EXOC4: variants seen among roughly 807,000 people sequenced by gnomAD.
EXOC4 encodes the protein SEC8-like 1.
In EXOC4, 71 loss-of-function variants were observed where a neutral mutation model predicts 107.2. That is an observed-to-expected ratio of 0.66 (90% CI 0.55 to 0.81). The LOEUF (loss-of-function observed/expected upper bound fraction) is 0.81. EXOC4 is among the 30% of genes least tolerant of loss of function. The pLI is 0.00. For synonymous variants in EXOC4, 456 were observed against 441.2 expected (o/e 1.03, Z -0.42); for missense variants, 1,108 against 1,189.6 (o/e 0.93, Z 1.01).
chr7:133,601,339 G>A (rs1264386214), intron 9 of EXOC4, among the ~76,000 whole-genome samples: 2 of 151,942 alleles, frequency 1.3e-5, no homozygotes, highest in African/African-American at 4.8e-5. Context: ...AGGCCTGTAT[G>A]TATGTATGTA....
chr7:134,080,895 A>G, the EXOC4 span, among the ~76,000 whole-genome samples: 1 of 152,098 alleles, frequency 6.6e-6, no homozygotes, highest in Non-Finnish European at 1.5e-5. Flanking sequence ...GAATTGAGCT[A>G]TGATCGTGCT....
At chr7:133,367,444 G>C (rs1796272468) in intron 6 of EXOC4, among the ~76,000 whole-genome samples, 1 of 152,138 alleles carries the variant, frequency 6.6e-6, no homozygotes. Context: ...GGGTTTCTTG[G>C]ATGGAGCAAA....
intron 17 of EXOC4, among the ~76,000 whole-genome samples, chr7:134,049,884 C>G (rs191779423): frequency 6.6e-6 from 1 of 152,148 alleles, no homozygotes. Context: ...AGTCATAAGA[C>G]ACAGTCTTTG....
intron 13 of EXOC4, among the ~76,000 whole-genome samples, chr7:133,928,805 C>A (rs1800108399): frequency 6.6e-6 from 1 of 151,970 alleles, no homozygotes; most frequent in Non-Finnish European, 1.5e-5. Flanking sequence ...CCTCACCCAT[C>A]CATCAAGCAA....
chr7:134,083,359 G>C, the EXOC4 span, among the ~76,000 whole-genome samples: 1 of 152,160 alleles, frequency 6.6e-6, no homozygotes, highest in Non-Finnish European at 1.5e-5. Context: ...CTCACAGAAG[G>C]GCAACTGGCT....
chr7:134,078,573 T>C, the EXOC4 span, among the ~76,000 whole-genome samples: 4 of 152,214 alleles, frequency 2.6e-5, no homozygotes, highest in Admixed American at 6.5e-5. Flanking sequence ...ATGAAAAAGA[T>C]TGGGGAAAAG....
chr7:133,327,706 A>T (rs904274000), intron 5 of EXOC4, among the ~76,000 whole-genome samples: 1 of 152,144 alleles, frequency 6.6e-6, no homozygotes, highest in African/African-American at 2.4e-5. Context: ...CCCAGTAGTT[A>T]TTCAGGAGCA....
chr7:133,926,769 T>C (rs1014334744), intron 13 of EXOC4, among the ~76,000 whole-genome samples: 6 of 152,178 alleles, frequency 3.9e-5, no homozygotes, highest in African/African-American at 1.4e-4. Context: ...AAAGGACATT[T>C]TGTAGCTATT....
At chr7:133,512,959 G>T (rs1752105426) in intron 9 of EXOC4, among the ~76,000 whole-genome samples, 1 of 152,052 alleles carries the variant, frequency 6.6e-6, no homozygotes, top group South Asian at 2.1e-4. Context: ...ACAAAAACTA[G>T]CCGGGCCTGG....
chr7:133,829,098 A>G (rs1797757743), intron 11 of EXOC4, among the ~76,000 whole-genome samples: 1 of 152,216 alleles, frequency 6.6e-6, no homozygotes, highest in African/African-American at 2.4e-5. Context: ...AGAGGAGAAA[A>G]GTGACCTGAA....
chr7:133,752,981 G>C (rs955629391), intron 10 of EXOC4, among the ~76,000 whole-genome samples: 5 of 152,184 alleles, frequency 3.3e-5, no homozygotes, highest in African/African-American at 1.2e-4. Flanking sequence ...ATCCTGCTTA[G>C]GCAAAGCTGG....
intron 11 of EXOC4, among the ~76,000 whole-genome samples, chr7:133,850,710 G>A (rs924023118): frequency 1.3e-5 from 2 of 151,340 alleles, no homozygotes; most frequent in Non-Finnish European, 2.9e-5. Flanking sequence ...GGCCTCTGCT[G>A]AATACAGACC....
chr7:133,521,003 GA>G (rs1799968226), intron 9 of EXOC4, among the ~76,000 whole-genome samples: 1 of 152,146 alleles, frequency 6.6e-6, no homozygotes, highest in Non-Finnish European at 1.5e-5. Context: ...ATGTTATGTG[GA>G]ATGTTGACCC....
chr7:133,809,278 C>G (rs1485553071), intron 10 of EXOC4, among the ~76,000 whole-genome samples: 1 of 152,156 alleles, frequency 6.6e-6, no homozygotes, highest in Non-Finnish European at 1.5e-5. Context: ...AATTTTAATG[C>G]ATGCTTTTAT....
chr7:133,518,206 C>T (rs926323739), intron 9 of EXOC4, among the ~76,000 whole-genome samples: 1 of 151,746 alleles, frequency 6.6e-6, no homozygotes, highest in Non-Finnish European at 1.5e-5. Flanking sequence ...GAGAAATCGG[C>T]CGTATTTTTT....
rs1450180841 is a variant in EXOC4 at position 133,291,530 on chromosome 7, T to C, written c.471+2414T>C. ...CCAAGTACCTGGGATTACAGGTGTG[T>C]GCCACCACACCTGGCTAATTTTTGC... On this transcript the variant is annotated intron_variant, in intron 3 of 17. Transcript: ENST00000253861. Among the ~76,000 whole-genome samples the C allele has an allele frequency of 3.3e-5, 5 of 151,850 alleles. No individual in the cohort carries two copies. The East Asian group carries it at 9.7e-4, about 30-fold the overall frequency.
Position 133,917,700 on chromosome 7 carries a change from G to A in EXOC4, c.1989G>A (p.Gln663=), listed in dbSNP as rs1372716529. The part of the protein sequence containing the change: ...PNWMNMAQPK[Q]LRPKREEEED... ...GGATGAATATGGCTCAACCCAAACA[G>A]CTGAGGCCAAAAAGAGAGGAGGAAG... The change falls in exon 13 of 18, where the codon CAG becomes CAA. Residue 663 remains glutamine, a synonymous_variant. Coordinates refer to ENST00000253861, the MANE Select transcript of EXOC4 (RefSeq NM_021807.4). 1 of 1,613,812 alleles carries A rather than the reference G, an allele frequency of 6.2e-7. No homozygotes were observed. Among genetic ancestry groups the A allele is most frequent in the Non-Finnish European group, 8.5e-7 (1 of 1,179,962 alleles).
chr7:133,920,952 A>G (rs1439733882), intron 13 of EXOC4, among the ~76,000 whole-genome samples: 1 of 152,222 alleles, frequency 6.6e-6, no homozygotes, highest in Non-Finnish European at 1.5e-5. Flanking sequence ...GTATTAGTCA[A>G]GGTTTTGCAG....
At chr7:133,550,159 G>C (rs764165541) in intron 9 of EXOC4, among the ~76,000 whole-genome samples, 1 of 152,100 alleles carries the variant, frequency 6.6e-6, no homozygotes, top group African/African-American at 2.4e-5. Flanking sequence ...GAGGTGTTAC[G>C]TAGGAAATCA....
Sources: allele counts gnomAD v4.1 joint callset (sites outside exome capture counted in the v4.1 genomes callset), GRCh38; gene constraint gnomAD v4.1.1; transcripts MANE v1.5; gene names NCBI Gene and HGNC (gene_info 2026-07-23, HGNC 2026-07-21).